The following AKAP6 variants were observed in gnomAD, a reference collection of about 807,000 sequenced individuals.
AKAP6 encodes the protein A-kinase anchoring protein 6.
Under a neutral mutation model 188.5 loss-of-function variants are expected in AKAP6, and 58 were observed. The ratio of observed to expected loss-of-function variants is 0.31; its 90% CI spans 0.25 to 0.38. The LOEUF (loss-of-function observed/expected upper bound fraction) is 0.38. Among genes scored for constraint, AKAP6 ranks in the 10% least tolerant of loss-of-function variants. AKAP6 has a pLI of 1.00. For missense variants in AKAP6, 2,710 were observed against 2,740.0 expected, an observed-to-expected ratio of 0.99 and a Z score of 0.24; for synonymous variants, 989 against 998.6, an observed-to-expected ratio of 0.99 and a Z score of 0.18.
chr14:32,741,101 G>T (rs2031655022), intron 11 of AKAP6, among the ~76,000 whole-genome samples: 1 of 143,822 alleles, frequency 7.0e-6, no homozygotes, highest in African/African-American at 2.6e-5. Context: ...TCAGTTCTTT[G>T]GTTAATTCCT....
At chr14:32,661,327 T>C (rs2139576228) in intron 7 of AKAP6, among the ~76,000 whole-genome samples, 1 of 152,084 alleles carries the variant, frequency 6.6e-6, no homozygotes, top group Admixed American at 6.6e-5. Context: ...AAGGAAAAAT[T>C]CTCACAATGA....
At chr14:32,404,812 A>G (rs1391384411) in intron 1 of AKAP6, among the ~76,000 whole-genome samples, 1 of 150,100 alleles carries the variant, frequency 6.7e-6, no homozygotes, top group African/African-American at 2.5e-5. Context: ...GGGTATAGGA[A>G]AAGTACAAAG....
intron 1 of AKAP6, among the ~76,000 whole-genome samples, chr14:32,407,578 T>C (rs1889338366): frequency 6.6e-6 from 1 of 152,186 alleles, no homozygotes; most frequent in Non-Finnish European, 1.5e-5. Context: ...ATTTACTGCA[T>C]GTTAGTGAGG....
At chr14:32,725,701 A>C (rs368690707) in intron 9 of AKAP6, among the ~76,000 whole-genome samples, 46 of 152,312 alleles carry the variant, frequency 3.0e-4, no homozygotes, top group African/African-American at 1.1e-3. Flanking sequence ...CAGGAAGTGT[A>C]GTGTTGGAAA....
intron 2 of AKAP6, among the ~76,000 whole-genome samples, chr14:32,452,109 C>A (rs1277857726): frequency 6.9e-6 from 1 of 145,182 alleles, no homozygotes; most frequent in Non-Finnish European, 1.5e-5. Context: ...GCAGCCTTCA[C>A]CTCTGGGGCT....
At chr14:32,500,345 A>T (rs1880545793) in intron 2 of AKAP6, among the ~76,000 whole-genome samples, 1 of 152,202 alleles carries the variant, frequency 6.6e-6, no homozygotes, top group Admixed American at 6.6e-5. Flanking sequence ...AAGATTATTT[A>T]TTGACATCTA....
intron 1 of AKAP6, among the ~76,000 whole-genome samples, chr14:32,331,862 T>G (rs1886544443): frequency 6.6e-6 from 1 of 152,142 alleles, no homozygotes. Flanking sequence ...AAGAAGTTAA[T>G]GTCCTCTATA....
chr14:32,731,689 A>G (rs188729884), intron 9 of AKAP6, among the ~76,000 whole-genome samples: 140 of 152,250 alleles, frequency 9.2e-4, no homozygotes, highest in Admixed American at 1.8e-3. Flanking sequence ...GCTATCCATA[A>G]TATAGGACTA....
intron 2 of AKAP6, among the ~76,000 whole-genome samples, chr14:32,525,475 C>T (rs912952744): frequency 2.0e-5 from 3 of 152,198 alleles, no homozygotes; most frequent in Non-Finnish European, 2.9e-5. Context: ...CTTTCAGAGA[C>T]GTGAAGGCAG....
At chr14:32,757,936 A>C (rs1011072406) in intron 11 of AKAP6, among the ~76,000 whole-genome samples, 1 of 152,194 alleles carries the variant, frequency 6.6e-6, no homozygotes, top group Admixed American at 6.5e-5. Context: ...GCATGTGTGG[A>C]GGCCTGGAGA....
intron 11 of AKAP6, among the ~76,000 whole-genome samples, chr14:32,757,378 G>A (rs1566690204): frequency 6.6e-6 from 1 of 152,132 alleles, no homozygotes; most frequent in African/African-American, 2.4e-5. Context: ...CTGGTTTGTT[G>A]GTAGGGGTGG....
intron 5 of AKAP6, among the ~76,000 whole-genome samples, chr14:32,594,045 A>G (rs2139329028): frequency 6.6e-6 from 1 of 152,310 alleles, no homozygotes; most frequent in East Asian, 1.9e-4. Context: ...TAAAATTCGT[A>G]ATGATTTTTT....
intron 2 of AKAP6, among the ~76,000 whole-genome samples, chr14:32,495,796 A>AG (rs1262564445): frequency 3.9e-5 from 6 of 152,244 alleles, no homozygotes; most frequent in Middle Eastern, 3.4e-3. Flanking sequence ...TCCAGAACAT[A>AG]TGGTTTTCTT....
In AKAP6 at chr14:32,377,510, T is replaced by TGA. The variant is rs145177834; in HGVS notation, c.-35+48121_-35+48122dup. Among the ~76,000 whole-genome samples, 339 of 149,148 alleles carry TGA rather than the reference T, an allele frequency of 2.3e-3. 1 individual carries two copies. Among genetic ancestry groups the TGA allele is most frequent in the African/African-American group, 6.7e-3 (274 of 40,774 alleles). On this transcript the variant is annotated intron_variant, in intron 1 of 13. Coordinates refer to ENST00000280979, the MANE Select transcript of AKAP6 (RefSeq NM_004274.5). ...GGAAATGTGCATATATGTACGTGCA[T>TGA]GAGAGAGAGAGAGAGAGAGAAGCCA...
intron 9 of AKAP6, among the ~76,000 whole-genome samples, chr14:32,701,127 A>G (rs1890604758): frequency 6.6e-6 from 1 of 152,196 alleles, no homozygotes; most frequent in Non-Finnish European, 1.5e-5. Flanking sequence ...AATGGCTACT[A>G]AACAGATCAA....
intron 3 of AKAP6, among the ~76,000 whole-genome samples, chr14:32,540,405 C>T (rs1040634648): frequency 6.6e-6 from 1 of 151,556 alleles, no homozygotes; most frequent in African/African-American, 2.4e-5. Flanking sequence ...TGCCATGTTG[C>T]CCAGGTTAGT....
rs1032215203 is a variant in AKAP6 at position 32,610,561 on chromosome 14, A to G, written c.2730+9769A>G. The stretch of plus-strand genomic sequence containing the variant: ...CAAATGTAGTTCTAAATTAAGGCAG[A>G]CTGTGCGATGAATACAAGAGATACA... On this transcript the variant is annotated intron_variant, in intron 7 of 13. Transcript: ENST00000280979. Among the ~76,000 whole-genome samples the G allele has an allele frequency of 3.3e-5, 5 of 152,332 alleles. No homozygotes were observed. The South Asian group carries it at 8.3e-4, about 25-fold the overall frequency.
At chr14:32,366,353 T>C (rs1353999278) in intron 1 of AKAP6, among the ~76,000 whole-genome samples, 1 of 152,196 alleles carries the variant, frequency 6.6e-6, no homozygotes, top group Non-Finnish European at 1.5e-5. Context: ...GGGAGTTAAT[T>C]CTTTGTGGGG....
chr14:32,462,403 A>G (rs1298348817), intron 2 of AKAP6, among the ~76,000 whole-genome samples: 2 of 152,206 alleles, frequency 1.3e-5, no homozygotes, highest in Non-Finnish European at 2.9e-5. Context: ...CCTGTGAGCC[A>G]GAAGAGAGTG....
Sources: gnomAD v4.1 joint callset for allele counts (sites outside exome capture counted in the v4.1 genomes callset) on GRCh38, gnomAD v4.1.1 for gene constraint, MANE v1.5 for transcripts, NCBI Gene and HGNC (gene_info 2026-07-23, HGNC 2026-07-21) for gene names.